SLC25A21: variants seen among roughly 807,000 people sequenced by gnomAD.
The protein encoded by SLC25A21 is solute carrier family 25 member 21, also known as mitochondrial 2-oxodicarboxylate carrier.
In SLC25A21, 47 loss-of-function variants were observed where a neutral mutation model predicts 43.8. That is an observed-to-expected ratio of 1.07 (90% CI 0.85 to 1.37). The LOEUF (loss-of-function observed/expected upper bound fraction) is 1.37. Ranked by LOEUF, SLC25A21 falls within the 40% of genes most tolerant of loss-of-function variation. The pLI is 0.00. For synonymous variants in SLC25A21, 131 were observed against 121.3 expected (o/e 1.08, Z -0.52); for missense variants, 352 against 350.2 (o/e 1.00, Z -0.04).
chr14:37,125,344 G>A (rs143372112), intron 1 of SLC25A21, among the ~76,000 whole-genome samples: 1 of 152,114 alleles, frequency 6.6e-6, no homozygotes, highest in Admixed American at 6.6e-5. Context: ...TATTCTCCAA[G>A]GGTCCAGAGT....
rs188177407 is a variant in SLC25A21, at chr14:36,761,291, A to C, written c.204-26718T>G. Reference sequence around the variant, plus strand: ...TTTGCTCTCCTCTTGAGGACTTATCAGATTAGTGGCCTGCTCTGTGCCACA... The same window carrying C: ...TTTGCTCTCCTCTTGAGGACTTATCCGATTAGTGGCCTGCTCTGTGCCACA... On this transcript the variant is annotated intron_variant, in intron 3 of 9. Transcript: ENST00000331299. Among the ~76,000 whole-genome samples, 173 of 152,302 alleles carry C rather than the reference A, an allele frequency of 1.1e-3. 3 individuals carry two copies. The highest frequency in any genetic ancestry group is 9.7e-3 in the Admixed American group (148 of 15,306).
chr14:36,963,591 A>T (rs2138677170), intron 1 of SLC25A21, among the ~76,000 whole-genome samples: 1 of 152,260 alleles, frequency 6.6e-6, no homozygotes, highest in Non-Finnish European at 1.5e-5. Flanking sequence ...TAGAAGGAAC[A>T]TTTTGATGTT....
chr14:36,979,632 A>G (rs535005840), intron 1 of SLC25A21, among the ~76,000 whole-genome samples: 45 of 152,316 alleles, frequency 3.0e-4, no homozygotes, highest in African/African-American at 1.0e-3. Flanking sequence ...CAGGTATTAC[A>G]GGCGCAAGCC....
intron 7 of SLC25A21, among the ~76,000 whole-genome samples, chr14:36,709,143 G>T (rs763599794): frequency 3.9e-5 from 6 of 152,158 alleles, no homozygotes; most frequent in Non-Finnish European, 8.8e-5. Flanking sequence ...GAGTAGCTGG[G>T]ATTACAGGCA....
intron 7 of SLC25A21, among the ~76,000 whole-genome samples, chr14:36,700,711 T>C (rs888633958): frequency 2.6e-5 from 4 of 152,218 alleles, no homozygotes; most frequent in Non-Finnish European, 4.4e-5. Context: ...CCTCCTCTTG[T>C]GTATTTACTG....
chr14:37,076,982 A>C (rs1962294187), intron 1 of SLC25A21, among the ~76,000 whole-genome samples: 1 of 152,236 alleles, frequency 6.6e-6, no homozygotes, highest in Non-Finnish European at 1.5e-5. Flanking sequence ...AAAGTATGTG[A>C]ATAATGAAAT....
intron 1 of SLC25A21, among the ~76,000 whole-genome samples, chr14:37,154,889 G>A (rs1017971095): frequency 7.2e-5 from 11 of 152,072 alleles, no homozygotes; most frequent in South Asian, 2.1e-4. Flanking sequence ...TGATCTACCC[G>A]CCTCAGCCTC....
intron 1 of SLC25A21, among the ~76,000 whole-genome samples, chr14:37,031,101 G>C (rs1961201225): frequency 6.6e-6 from 1 of 152,170 alleles, no homozygotes; most frequent in African/African-American, 2.4e-5. Flanking sequence ...ACAACCTACA[G>C]CCTTTCAAGG....
At chr14:37,139,107 T>G (rs1293758586) in intron 1 of SLC25A21, among the ~76,000 whole-genome samples, 1 of 152,152 alleles carries the variant, frequency 6.6e-6, no homozygotes, top group Non-Finnish European at 1.5e-5. Flanking sequence ...TTAGTTTTTG[T>G]ATACTACCAC....
intron 1 of SLC25A21, among the ~76,000 whole-genome samples, chr14:36,962,102 T>G (rs1031575482): frequency 6.6e-6 from 1 of 152,240 alleles, no homozygotes; most frequent in African/African-American, 2.4e-5. Context: ...TTCTCTAGCC[T>G]GCTATTAAAT....
chr14:36,986,191 G>C (rs1960141219), intron 1 of SLC25A21, among the ~76,000 whole-genome samples: 1 of 152,074 alleles, frequency 6.6e-6, no homozygotes, highest in Non-Finnish European at 1.5e-5. Context: ...CATATCTATA[G>C]ACATATTTTT....
At chr14:36,724,259 T>C (rs1021128552) in intron 6 of SLC25A21, among the ~76,000 whole-genome samples, 4 of 152,212 alleles carry the variant, frequency 2.6e-5, no homozygotes, top group African/African-American at 4.8e-5. Flanking sequence ...TCTGAGTAGA[T>C]ACCATCTACT....
rs113242542 is a variant in SLC25A21, at chr14:36,862,846, A to G, written c.119+12110T>C. Among the ~76,000 whole-genome samples the G allele has an allele frequency of 2.6e-3, 401 of 152,326 alleles. 5 individuals carry two copies. The highest frequency in any genetic ancestry group is 8.9e-3 in the African/African-American group (370 of 41,570). On this transcript the variant is annotated intron_variant, in intron 2 of 9. Transcript: ENST00000331299. ...TTTGTTTTTAATTCAATATAATCTC[A>G]CATCAATTTATTTTATTTGCATATT...
At chr14:36,742,332 C>A (rs1885305261) in intron 3 of SLC25A21, among the ~76,000 whole-genome samples, 2 of 152,136 alleles carry the variant, frequency 1.3e-5, no homozygotes, top group African/African-American at 4.8e-5. Flanking sequence ...CACGCTCAAC[C>A]CTGGGTTATG....
chr14:36,875,038 TA>T, intron 1 of SLC25A21, 34 bp from the exon 2 acceptor site: 1 of 1,530,044 alleles, frequency 6.5e-7, no homozygotes, highest in Non-Finnish European at 9.0e-7. Context: ...AATAAACACT[TA>T]TGTAAACACT....
chr14:36,889,353 A>G (rs1891015102), intron 1 of SLC25A21, among the ~76,000 whole-genome samples: 1 of 152,262 alleles, frequency 6.6e-6, no homozygotes, highest in Admixed American at 6.5e-5. Flanking sequence ...TGCCAGCTGA[A>G]GAACAATATT....
chr14:36,875,769 C>T (rs191629022), intron 1 of SLC25A21, among the ~76,000 whole-genome samples: 1 of 152,274 alleles, frequency 6.6e-6, no homozygotes, highest in East Asian at 1.9e-4. Flanking sequence ...ACTATAACTT[C>T]TTGCAAATAA....
At chr14:36,713,441 G>A (rs1272050528) in intron 6 of SLC25A21, among the ~76,000 whole-genome samples, 1 of 151,910 alleles carries the variant, frequency 6.6e-6, no homozygotes, top group East Asian at 1.9e-4. Flanking sequence ...CACTGGCTTG[G>A]GTGCTGTGTG....
intron 3 of SLC25A21, among the ~76,000 whole-genome samples, chr14:36,764,265 C>T (rs1367059008): frequency 2.0e-5 from 3 of 151,800 alleles, no homozygotes; most frequent in African/African-American, 2.4e-5. Flanking sequence ...AACACTCACT[C>T]GGTCCAATAA....
Sources: gnomAD v4.1 joint callset for allele counts (sites outside exome capture counted in the v4.1 genomes callset) on GRCh38, gnomAD v4.1.1 for gene constraint, MANE v1.5 for transcripts, NCBI Gene and HGNC (gene_info 2026-07-23, HGNC 2026-07-21) for gene names.